PRIMA1: variants seen among roughly 807,000 people sequenced by gnomAD.
PRIMA1 encodes proline-rich membrane anchor 1.
In PRIMA1, 7 loss-of-function variants were observed where a neutral mutation model predicts 17.5. The ratio of observed to expected loss-of-function variants is 0.40; its 90% CI spans 0.23 to 0.75. The LOEUF is 0.75. Ranked by LOEUF, PRIMA1 falls within the 30% of genes least tolerant of loss-of-function variation. The pLI is 0.37. For synonymous variants in PRIMA1, 97 were observed against 77.9 expected (o/e 1.25, Z -1.29); for missense variants, 200 against 201.8 (o/e 0.99, Z 0.05).
chr14:93,729,861 G>T (rs774589271), intron 4 of PRIMA1, among the ~76,000 whole-genome samples: 23 of 152,042 alleles, frequency 1.5e-4, no homozygotes, highest in Non-Finnish European at 2.9e-4. Context: ...ATGCGTATGG[G>T]GAAGGGAGAG....
chr14:93,737,578 G>A (rs1346760692), intron 3 of PRIMA1, among the ~76,000 whole-genome samples: 1 of 151,450 alleles, frequency 6.6e-6, no homozygotes. Flanking sequence ...TCACTGGTGG[G>A]ACCATCATGG....
At chr14:93,769,697 C>T (rs997581753) in intron 3 of PRIMA1, among the ~76,000 whole-genome samples, 1 of 151,714 alleles carries the variant, frequency 6.6e-6, no homozygotes, top group African/African-American at 2.4e-5. Context: ...TTGCGACCCA[C>T]CAGGCCTGGA....
intron 2 of PRIMA1, among the ~76,000 whole-genome samples, chr14:93,786,338 G>A (rs1035761744): frequency 2.0e-4 from 30 of 152,216 alleles, no homozygotes; most frequent in African/African-American, 6.5e-4. Context: ...GTGAGACGGA[G>A]GCAAGCCAGA....
chr14:93,719,736 G>T lies in PRIMA1; in HGVS notation c.*1708C>A, dbSNP rs1216481674. The T allele has an allele frequency of 6.6e-6, 1 of 152,376 alleles. No individual in the cohort carries two copies. The highest frequency in any genetic ancestry group is 1.9e-4 in the East Asian group (1 of 5,198). 9.4% of individuals were successfully genotyped at this position (152,376 alleles called of 1,614,324 possible). ...TGAAGTACTGGCCAGGTCAGGAGCAGGGGGTGGCACTATGCTGATGCCCAG... is the reference window on the plus strand; with the variant it reads ...TGAAGTACTGGCCAGGTCAGGAGCATGGGGTGGCACTATGCTGATGCCCAG... On this transcript the variant is annotated 3_prime_UTR_variant, in exon 5 of 5. Transcript: ENST00000393140.
chr14:93,787,734 C>T lies in PRIMA1; in HGVS notation c.-16G>A. The T allele has an allele frequency of 6.5e-7, 1 of 1,541,676 alleles. No individual in the cohort carries two copies. The highest frequency in any genetic ancestry group is 8.7e-7 in the Non-Finnish European group (1 of 1,146,392). Reference sequence around the variant, plus strand: ...GGAGGAGCATCTCGGCCAGCGGCGCCCGCTCCTGGGGCGAACTGTCAGGAG... The same window carrying T: ...GGAGGAGCATCTCGGCCAGCGGCGCTCGCTCCTGGGGCGAACTGTCAGGAG... On this transcript the variant is annotated 5_prime_UTR_variant, in exon 2 of 5. Transcript: ENST00000393140.
At chr14:93,758,641 A>T (rs1218644873) in intron 3 of PRIMA1, among the ~76,000 whole-genome samples, 1 of 149,876 alleles carries the variant, frequency 6.7e-6, no homozygotes, top group Non-Finnish European at 1.5e-5. Context: ...GAAATAATCG[A>T]CATTCAAAAG....
chr14:93,758,931 T>C (rs1288970553), intron 3 of PRIMA1, among the ~76,000 whole-genome samples: 1 of 152,172 alleles, frequency 6.6e-6, no homozygotes, highest in East Asian at 1.9e-4. Context: ...TCTGTGGGCT[T>C]GGCCTGGGTT....
chr14:93,759,053 C>T (rs1294422949), intron 3 of PRIMA1, among the ~76,000 whole-genome samples: 1 of 152,202 alleles, frequency 6.6e-6, no homozygotes, highest in Non-Finnish European at 1.5e-5. Flanking sequence ...ACAGAACCAT[C>T]AAAACAGACA....
At position 93,720,158 on chromosome 14, in the gene PRIMA1, G is replaced by A. The variant is rs897747535; in HGVS notation, c.*1286C>T. Reference sequence around the variant, plus strand: ...TATGTAGGGGTGGTGGGGAGAGCCAGGGGGCCAGGAGTGTCCCACTCATTT... The same window carrying A: ...TATGTAGGGGTGGTGGGGAGAGCCAAGGGGCCAGGAGTGTCCCACTCATTT... On this transcript the variant is annotated 3_prime_UTR_variant, in exon 5 of 5. Transcript: ENST00000393140. 3 of 152,270 alleles carry A rather than the reference G, an allele frequency of 2.0e-5. No individual in the cohort carries two copies. The highest frequency in any genetic ancestry group is 7.2e-5 in the African/African-American group (3 of 41,444). 9.4% of individuals were successfully genotyped at this position (152,270 alleles called of 1,614,324 possible).
At chr14:93,782,399 A>G (rs1055430680) in intron 2 of PRIMA1, among the ~76,000 whole-genome samples, 1 of 152,214 alleles carries the variant, frequency 6.6e-6, no homozygotes, top group African/African-American at 2.4e-5. Flanking sequence ...CGGGCGGATC[A>G]TTTGAGCCCA....
chr14:93,787,840 G>A, intron 1 of PRIMA1, 91 bp from the exon 2 acceptor site: 2 of 1,432,100 alleles, frequency 1.4e-6, no homozygotes, highest in Non-Finnish European at 9.2e-7. Context: ...GGGTCGGACG[G>A]GCACGCCCCG....
intron 4 of PRIMA1, among the ~76,000 whole-genome samples, chr14:93,724,449 G>A (rs1297986409): frequency 1.3e-5 from 2 of 152,120 alleles, no homozygotes; most frequent in Admixed American, 6.5e-5. Flanking sequence ...GCTCTGCCCT[G>A]GGCCTTTTGC....
At chr14:93,785,127 T>C (rs915903544) in intron 2 of PRIMA1, among the ~76,000 whole-genome samples, 3 of 147,652 alleles carry the variant, frequency 2.0e-5, no homozygotes, top group African/African-American at 7.5e-5. Context: ...CCACGGTAAC[T>C]TGATGAGACA....
At chr14:93,774,359 G>A (rs1885148931) in intron 3 of PRIMA1, among the ~76,000 whole-genome samples, 1 of 152,172 alleles carries the variant, frequency 6.6e-6, no homozygotes, top group Non-Finnish European at 1.5e-5. Flanking sequence ...CTGTCTGGAT[G>A]AAGAGCAATG....
At chr14:93,769,547 C>G (rs1377323022) in intron 3 of PRIMA1, among the ~76,000 whole-genome samples, 1 of 152,214 alleles carries the variant, frequency 6.6e-6, no homozygotes, top group African/African-American at 2.4e-5. Context: ...TTGATGCCCA[C>G]AGTCCCTCGT....
chr14:93,784,614 G>A (rs1250430318), intron 2 of PRIMA1, among the ~76,000 whole-genome samples: 1 of 152,180 alleles, frequency 6.6e-6, no homozygotes. Flanking sequence ...CTTACCTGGT[G>A]CTTCTTTCCC....
intron 3 of PRIMA1, among the ~76,000 whole-genome samples, chr14:93,760,799 C>T (rs183781566): frequency 6.6e-6 from 1 of 152,194 alleles, no homozygotes; most frequent in East Asian, 1.9e-4. Context: ...GCCTCACTTT[C>T]TCATCTTCCT....
chr14:93,778,063 G>A (rs1432371008), intron 3 of PRIMA1, among the ~76,000 whole-genome samples: 1 of 152,212 alleles, frequency 6.6e-6, no homozygotes, highest in African/African-American at 2.4e-5. Flanking sequence ...TTTGGCAGAG[G>A]CCTGGAGCAG....
intron 1 of PRIMA1, 80 bp from the exon 2 acceptor site, chr14:93,787,829 C>T: frequency 6.9e-7 from 1 of 1,457,912 alleles, no homozygotes; most frequent in Non-Finnish European, 9.1e-7. Flanking sequence ...CCTCCCAGCC[C>T]GGGTCGGACG....
Sources: gnomAD v4.1 joint callset for allele counts (sites outside exome capture counted in the v4.1 genomes callset) on GRCh38, gnomAD v4.1.1 for gene constraint, MANE v1.5 for transcripts, NCBI Gene and HGNC (gene_info 2026-07-23, HGNC 2026-07-21) for gene names.